CTNNA3: variants seen among roughly 807,000 people sequenced by gnomAD.
The protein encoded by CTNNA3 is catenin alpha 3, also known as catenin alpha-3.
In CTNNA3, 76 loss-of-function variants were observed where a neutral mutation model predicts 95.7. The ratio of observed to expected loss-of-function variants is 0.79; its 90% CI spans 0.66 to 0.96. The LOEUF (loss-of-function observed/expected upper bound fraction) is 0.96, where lower values mean the gene tolerates loss of function less well. Ranked by LOEUF, CTNNA3 falls within the 40% of genes least tolerant of loss-of-function variation. The pLI, the probability that CTNNA3 is intolerant of heterozygous loss-of-function variation, is 0.00. For synonymous variants in CTNNA3, 431 were observed against 374.4 expected, an observed-to-expected ratio of 1.15 and a Z score of -1.74; for missense variants, 1,191 against 1,089.8, an observed-to-expected ratio of 1.09 and a Z score of -1.31.
At chr10:67,261,225 A>G (rs1223333258) in intron 5 of CTNNA3, among the ~76,000 whole-genome samples, 3 of 152,208 alleles carry the variant, frequency 2.0e-5, no homozygotes, top group African/African-American at 4.8e-5. Flanking sequence ...AGTTAAAATA[A>G]TGAGATTACC....
intron 7 of CTNNA3, among the ~76,000 whole-genome samples, chr10:66,835,610 A>G (rs1400281007): frequency 6.6e-6 from 1 of 152,182 alleles, no homozygotes; most frequent in African/African-American, 2.4e-5. Context: ...GATACTTTTG[A>G]CACACCCCCA....
chr10:67,497,819 G>A (rs1839077502), intron 5 of CTNNA3, among the ~76,000 whole-genome samples: 1 of 151,438 alleles, frequency 6.6e-6, no homozygotes, highest in Admixed American at 6.6e-5. Context: ...GTTCCTTATA[G>A]ATTCTGGATG....
At chr10:66,507,696 C>A (rs1840499178) in intron 11 of CTNNA3, among the ~76,000 whole-genome samples, 1 of 150,120 alleles carries the variant, frequency 6.7e-6, no homozygotes, top group Non-Finnish European at 1.5e-5. Flanking sequence ...AATAGCTGAA[C>A]AATATTCTGT....
chr10:67,071,184 C>T (rs78887925), intron 7 of CTNNA3, among the ~76,000 whole-genome samples: 517 of 152,276 alleles, frequency 3.4e-3, no homozygotes, highest in Non-Finnish European at 5.8e-3. Flanking sequence ...TGCATTTACA[C>T]TCTCCAGCAT....
At chr10:66,752,015 T>C (rs1839163067) in intron 9 of CTNNA3, among the ~76,000 whole-genome samples, 1 of 152,184 alleles carries the variant, frequency 6.6e-6, no homozygotes, top group African/African-American at 2.4e-5. Context: ...TGTTAAGATC[T>C]CAATCCTTTT....
chr10:67,342,543 C>T (rs990202749), intron 5 of CTNNA3, among the ~76,000 whole-genome samples: 1 of 152,098 alleles, frequency 6.6e-6, no homozygotes, highest in African/African-American at 2.4e-5. Context: ...TTTTCTCCAA[C>T]GTTTTCTGTA....
chr10:66,410,363 G>C (rs2093093248), intron 11 of CTNNA3, among the ~76,000 whole-genome samples: 1 of 152,058 alleles, frequency 6.6e-6, no homozygotes, highest in Non-Finnish European at 1.5e-5. Context: ...TCATACTTTA[G>C]TACCTACTCA....
intron 1 of CTNNA3, among the ~76,000 whole-genome samples, chr10:67,720,812 T>C (rs976376914): frequency 1.3e-5 from 2 of 151,938 alleles, no homozygotes; most frequent in Non-Finnish European, 2.9e-5. Context: ...AAATTAGCCG[T>C]GTGTAGTGGC....
chr10:66,374,972 T>C (rs1280889889), intron 12 of CTNNA3, among the ~76,000 whole-genome samples: 1 of 152,054 alleles, frequency 6.6e-6, no homozygotes, highest in Admixed American at 6.6e-5. Flanking sequence ...CATATACTTG[T>C]CTGGGATGAT....
At chr10:66,080,824 G>A (rs904648958) in intron 14 of CTNNA3, among the ~76,000 whole-genome samples, 1 of 152,082 alleles carries the variant, frequency 6.6e-6, no homozygotes, top group African/African-American at 2.4e-5. Flanking sequence ...TTTGCTAAAT[G>A]GTACTTACTG....
At chr10:66,128,720 A>G (rs1289596305) in intron 13 of CTNNA3, among the ~76,000 whole-genome samples, 3 of 152,176 alleles carry the variant, frequency 2.0e-5, no homozygotes, top group Non-Finnish European at 4.4e-5. Context: ...ATGGTGTTTA[A>G]TGTCCAAACT....
At chr10:65,990,068 G>GTA (rs2078508758) in intron 15 of CTNNA3, among the ~76,000 whole-genome samples, 2 of 498 alleles carry the variant, frequency 4.0e-3, no homozygotes, top group African/African-American at 0.017. Context: ...GTTTCATTTT[G>GTA]TGTGTAGTGT....
rs539167049 is a variant in CTNNA3, at chr10:67,390,175, G to A, written c.579+131667C>T. Reference sequence around the variant, plus strand: ...ATAGACCACTAGCATGACTAATAAAGAAAAAGAGAAGAATCAAATAGATGC... The same window carrying A: ...ATAGACCACTAGCATGACTAATAAAAAAAAAGAGAAGAATCAAATAGATGC... On this transcript the variant is annotated intron_variant, in intron 5 of 17. Coordinates refer to ENST00000433211, the MANE Select transcript of CTNNA3 (RefSeq NM_013266.4). Among the ~76,000 whole-genome samples the A allele has an allele frequency of 5.3e-5, 8 of 151,998 alleles. No individual in the cohort carries two copies. In the South Asian group the frequency reaches 1.7e-3, roughly 32 times the overall value.
intron 1 of CTNNA3, among the ~76,000 whole-genome samples, chr10:67,688,090 C>G (rs181302141): frequency 6.6e-6 from 1 of 152,308 alleles, no homozygotes; most frequent in East Asian, 1.9e-4. Context: ...AGCATGATAT[C>G]TCTCCAAGTG....
Position 66,572,143 on chromosome 10 carries a change from G to A in CTNNA3, c.1374+49549C>T, listed in dbSNP as rs1357924726. On this transcript the variant is annotated intron_variant, in intron 10 of 17. Coordinates refer to ENST00000433211, the MANE Select transcript of CTNNA3 (RefSeq NM_013266.4). The stretch of plus-strand genomic sequence containing the variant: ...TATGCCTGTAATCTCAGCACTATGA[G>A]GGGTTGGGGCAGGTGGATCACTTGA... Among the ~76,000 whole-genome samples the A allele has an allele frequency of 2.0e-5, 3 of 152,042 alleles. No homozygotes were observed. The East Asian group carries it at 5.8e-4, about 29-fold the overall frequency.
At chr10:67,166,692 G>T (rs78081477) in intron 7 of CTNNA3, among the ~76,000 whole-genome samples, 3,208 of 152,266 alleles carry the variant, frequency 0.021, 92 homozygotes, top group African/African-American at 0.07. Context: ...TACATTTGTT[G>T]TTAGGGTAAT....
At chr10:66,695,743 AC>A (rs1396501422) in intron 9 of CTNNA3, among the ~76,000 whole-genome samples, 1 of 152,074 alleles carries the variant, frequency 6.6e-6, no homozygotes, top group African/African-American at 2.4e-5. Flanking sequence ...GGGCCATCTG[AC>A]CTTAGAAGCT....
At chr10:66,757,422 G>C (rs1388007336) in intron 9 of CTNNA3, among the ~76,000 whole-genome samples, 1 of 152,128 alleles carries the variant, frequency 6.6e-6, no homozygotes, top group East Asian at 1.9e-4. Context: ...AGACAAAATG[G>C]TTCCAATCAA....
intron 2 of CTNNA3, among the ~76,000 whole-genome samples, chr10:67,613,559 T>C (rs1425867588): frequency 6.6e-6 from 1 of 152,180 alleles, no homozygotes; most frequent in Non-Finnish European, 1.5e-5. Flanking sequence ...ATATCTCCTG[T>C]CTAGTTTAGT....
Sources: allele counts gnomAD v4.1 joint callset (sites outside exome capture counted in the v4.1 genomes callset), GRCh38; gene constraint gnomAD v4.1.1; transcripts MANE v1.5; gene names NCBI Gene and HGNC (gene_info 2026-07-23, HGNC 2026-07-21).